CACNA2D2: variants seen among roughly 807,000 people sequenced by gnomAD.
CACNA2D2 encodes voltage-dependent calcium channel subunit alpha-2/delta-2.
Under a neutral mutation model 166.4 loss-of-function variants are expected in CACNA2D2, and 48 were observed. That is an observed-to-expected ratio of 0.29 (90% CI 0.23 to 0.37). CACNA2D2 has a LOEUF of 0.37. CACNA2D2 is among the 10% of genes least tolerant of loss of function. CACNA2D2 has a pLI of 1.00. For missense variants in CACNA2D2, 1,122 were observed against 1,433.0 expected (o/e 0.78, Z 3.50); for synonymous variants, 561 against 573.7 (o/e 0.98, Z 0.32).
chr3:50,475,033 G>A (rs536167755), intron 2 of CACNA2D2, among the ~76,000 whole-genome samples: 12 of 152,234 alleles, frequency 7.9e-5, no homozygotes, highest in African/African-American at 1.9e-4. Flanking sequence ...GCGTTGCCAC[G>A]TACTTAGCCA....
At position 50,375,996 on chromosome 3, in the gene CACNA2D2, C is replaced by G. The variant is rs1191318023; in HGVS notation, c.1740G>C (p.Leu580=). 3 of 1,613,294 alleles carry G rather than the reference C, an allele frequency of 1.9e-6. No individual in the cohort carries two copies. The highest frequency in any genetic ancestry group is 2.5e-6 in the Non-Finnish European group (3 of 1,180,012). ...TGTTCTCATCCTCTAGCTCCGCATC[C>G]AGGAAGTCCAGAGTCACAGGCTCCC... The part of the protein sequence containing the change: ...NFREPVTLDF[L]DAELEDENKE... The change falls in exon 19 of 38, where the codon CTG becomes CTC. Residue 580 remains leucine (L), a synonymous_variant. Transcript: ENST00000424201. This position sits in a 1 kb window ranked among gnomAD's most constrained non-coding sequence, Gnocchi z 4.0.
intron 1 of CACNA2D2, 134 bp from the exon 2 acceptor site, chr3:50,476,333 A>C: frequency 1.5e-6 from 1 of 666,168 alleles, no homozygotes; most frequent in Non-Finnish European, 2.6e-6. Flanking sequence ...GACCCACAGC[A>C]AGGAACCAGC....
At chr3:50,419,322 T>C (rs941604712) in intron 3 of CACNA2D2, among the ~76,000 whole-genome samples, 2 of 152,086 alleles carry the variant, frequency 1.3e-5, no homozygotes, top group Non-Finnish European at 2.9e-5. Context: ...TCCAGCCCCA[T>C]AATTAGAGAT....
chr3:50,502,017 C>T (rs1049849286), intron 1 of CACNA2D2, among the ~76,000 whole-genome samples: 3 of 152,130 alleles, frequency 2.0e-5, no homozygotes, highest in African/African-American at 7.2e-5. Flanking sequence ...GAGAGAGAGA[C>T]CCAGAGAGGC....
At chr3:50,404,863 G>C (rs1165948897) in intron 3 of CACNA2D2, among the ~76,000 whole-genome samples, 1 of 152,168 alleles carries the variant, frequency 6.6e-6, no homozygotes, top group Non-Finnish European at 1.5e-5. Flanking sequence ...GGCCTCTACA[G>C]GAAGAGCTGC....
At chr3:50,373,728 A>G in intron 22 of CACNA2D2, among the ~76,000 whole-genome samples, 1 of 132,456 alleles carries the variant, frequency 7.5e-6, no homozygotes, top group Admixed American at 7.6e-5. Context: ...GGAGAAGAGG[A>G]GGGAGAGAGG....
Position 50,366,916 on chromosome 3 carries a change from AC to A in CACNA2D2, c.2503del (p.Val835TrpfsTer7), listed in dbSNP as rs1404808448. On this transcript the variant is annotated frameshift_variant and splice_region_variant, in exon 29 of 38. Coordinates refer to ENST00000424201, the MANE Select transcript of CACNA2D2 (RefSeq NM_006030.4). LOFTEE classifies it high-confidence loss of function. The surrounding 1 kb of genome is among the most constrained non-coding windows in gnomAD (Gnocchi z 5.9). Reference sequence around the variant, plus strand: ...AGCCTCTAGGTCCAGCTTGACGCCCACCACTTTGGGGGAGAGCAAGGGACCA... The same window carrying A: ...AGCCTCTAGGTCCAGCTTGACGCCCACACTTTGGGGGAGAGCAAGGGACCA... ...LGRRTLRPAV[V>X]GVKLDLEAWA... 6.2e-7 allele frequency: 1 copy of A among 1,613,502 alleles called. No homozygotes were observed. Among genetic ancestry groups the A allele is most frequent in the Non-Finnish European group, 8.5e-7 (1 of 1,180,004 alleles).
intron 2 of CACNA2D2, among the ~76,000 whole-genome samples, chr3:50,459,270 T>C (rs1709496288): frequency 6.6e-6 from 1 of 152,182 alleles, no homozygotes; most frequent in Non-Finnish European, 1.5e-5. Flanking sequence ...TTGTGGGGCC[T>C]AGTGCTTCTG....
At position 50,365,243 on chromosome 3, in the gene CACNA2D2, C is replaced by T; in HGVS notation, c.3099-59G>A. 1 of 1,032,732 alleles carries T rather than the reference C, an allele frequency of 9.7e-7. No individual in the cohort carries two copies. 64.0% of individuals were successfully genotyped at this position (1,032,732 alleles called of 1,614,324 possible). ...TTGCCCCGCCCTGACCCACCCCCAT[C>T]CTGCGGCCCCGCCCCCGGCCGCTCG... On this transcript the variant is annotated intron_variant, in intron 35 of 37. Transcript: ENST00000424201. This position sits in a 1 kb window ranked among gnomAD's most constrained non-coding sequence, Gnocchi z 4.5.
chr3:50,371,044 C>G (rs1276141811), intron 22 of CACNA2D2, among the ~76,000 whole-genome samples: 1 of 152,104 alleles, frequency 6.6e-6, no homozygotes, highest in Non-Finnish European at 1.5e-5. Context: ...GCTGGTGGTC[C>G]TCCCTGGGCT....
At chr3:50,480,217 A>G (rs1697986499) in intron 1 of CACNA2D2, among the ~76,000 whole-genome samples, 1 of 152,208 alleles carries the variant, frequency 6.6e-6, no homozygotes, top group Non-Finnish European at 1.5e-5. Flanking sequence ...AGGACATTGT[A>G]GCCTTTGGGA....
At chr3:50,458,286 T>C (rs1410462620) in intron 2 of CACNA2D2, among the ~76,000 whole-genome samples, 1 of 152,218 alleles carries the variant, frequency 6.6e-6, no homozygotes, top group Admixed American at 6.5e-5. Flanking sequence ...CAAGTGTCCC[T>C]GTGAGGCTAG....
chr3:50,397,058 C>T (rs910315238), intron 3 of CACNA2D2, among the ~76,000 whole-genome samples: 6 of 152,260 alleles, frequency 3.9e-5, no homozygotes, highest in Middle Eastern at 3.4e-3. Context: ...ACCCTGAAAC[C>T]TTCAGGCCCC....
Position 50,365,267 on chromosome 3 carries a change from C to A in CACNA2D2, c.3099-83G>T. Reference sequence around the variant, plus strand: ...TCCTGCGGCCCCGCCCCCGGCCGCTCGGAGGCCCCGCCCCTTCCATCCTCC... The same window carrying A: ...TCCTGCGGCCCCGCCCCCGGCCGCTAGGAGGCCCCGCCCCTTCCATCCTCC... On this transcript the variant is annotated intron_variant, in intron 35 of 37. Coordinates refer to ENST00000424201, the MANE Select transcript of CACNA2D2 (RefSeq NM_006030.4). The surrounding 1 kb of genome is among the most constrained non-coding windows in gnomAD (Gnocchi z 4.5). 6.4e-7 allele frequency: 1 copy of A among 1,567,630 alleles called. No homozygotes were observed. The highest frequency in any genetic ancestry group is 1.9e-4 in the Middle Eastern group (1 of 5,234).
In CACNA2D2 at chr3:50,392,065, C is replaced by T. The variant is rs191031880; in HGVS notation, c.465+2044G>A. Among the ~76,000 whole-genome samples the T allele has an allele frequency of 4.6e-5, 7 of 152,266 alleles. No homozygotes were observed. In the East Asian group the frequency reaches 1.3e-3, roughly 29 times the overall value. On this transcript the variant is annotated intron_variant, in intron 4 of 37. Transcript: ENST00000424201. Reference sequence around the variant, plus strand: ...TTTGAGGCTAGAATTGTGGCACAGGCCAGGTGCCTCTCCTGAGTTCTGGGA... The same window carrying T: ...TTTGAGGCTAGAATTGTGGCACAGGTCAGGTGCCTCTCCTGAGTTCTGGGA...
At chr3:50,386,517 C>A (rs1705616455) in intron 5 of CACNA2D2, among the ~76,000 whole-genome samples, 1 of 152,236 alleles carries the variant, frequency 6.6e-6, no homozygotes, top group South Asian at 2.1e-4. Flanking sequence ...AGCAACTTCT[C>A]TGGGAGCCAC....
chr3:50,498,465 G>T (rs994567406), intron 1 of CACNA2D2, among the ~76,000 whole-genome samples: 1 of 152,306 alleles, frequency 6.6e-6, no homozygotes, highest in East Asian at 1.9e-4. Flanking sequence ...ATCTGGAGAA[G>T]GAAATGGCAT....
chr3:50,379,629 C>A lies in CACNA2D2; in HGVS notation c.994-39G>T. The A allele has an allele frequency of 6.2e-7, 1 of 1,612,414 alleles. No individual in the cohort carries two copies. On this transcript the variant is annotated intron_variant, in intron 10 of 37. Transcript: ENST00000424201. This position sits in a 1 kb window ranked among gnomAD's most constrained non-coding sequence, Gnocchi z 6.5. ...AGGGTGGTGAGTGGCCTCAGGCTGG[C>A]CGGGGTAGGCAGCTATTGCATGGGG...
intron 3 of CACNA2D2, among the ~76,000 whole-genome samples, chr3:50,430,450 C>A (rs538400011): frequency 6.6e-6 from 1 of 152,320 alleles, no homozygotes; most frequent in African/African-American, 2.4e-5. Context: ...AGTTGTGAAA[C>A]CAGAAGTGCT....
Sources: allele counts gnomAD v4.1 joint callset (sites outside exome capture counted in the v4.1 genomes callset), GRCh38; gene constraint gnomAD v4.1.1; non-coding constraint Gnocchi (gnomAD v3.1); transcripts MANE v1.5; gene names NCBI Gene and HGNC (gene_info 2026-07-23, HGNC 2026-07-21).